Variants in CPNE4 observed in about 807,000 individuals in gnomAD.
The protein encoded by CPNE4 is copine-4.
CPNE4 carries 25 observed loss-of-function variants against 67.9 expected under a neutral mutation model. The observed-to-expected ratio is 0.37, with a 90% confidence interval of 0.27 to 0.51. The LOEUF (loss-of-function observed/expected upper bound fraction) is 0.51. Among genes scored for constraint, CPNE4 ranks in the 20% least tolerant of loss-of-function variants. The probability of loss-of-function intolerance (pLI) is 0.93; values close to 1 mark genes in which losing one functional copy is unlikely to be tolerated. For synonymous variants in CPNE4, 242 were observed against 244.9 expected (o/e 0.99, Z 0.11); for missense variants, 464 against 690.8 (o/e 0.67, Z 3.68).
intron 1 of CPNE4, among the ~76,000 whole-genome samples, chr3:132,020,824 T>C (rs1327988850): frequency 1.3e-5 from 2 of 152,178 alleles, no homozygotes; most frequent in Non-Finnish European, 2.9e-5. Flanking sequence ...AGCTGGAACA[T>C]GCCCAAAATT....
chr3:132,024,583 G>T (rs1266824414), intron 1 of CPNE4, among the ~76,000 whole-genome samples: 1 of 152,042 alleles, frequency 6.6e-6, no homozygotes, highest in African/African-American at 2.4e-5. Flanking sequence ...TATATATCAG[G>T]CTAATCACCC....
rs191686025 is a variant in CPNE4 at position 131,748,408 on chromosome 3, T to A, written c.181-24783A>T. On this transcript the variant is annotated intron_variant, in intron 2 of 15. Coordinates refer to ENST00000429747, the MANE Select transcript of CPNE4 (RefSeq NM_130808.3). ...TCGTGAGGAATACTGGTCTTTTTTT[T>A]AATAATTTTTTTGTCTGGTTTTGAT... 5.1e-3 allele frequency among the ~76,000 whole-genome samples: 783 copies of A among 152,118 alleles called. 11 individuals are homozygous for A. The highest frequency in any genetic ancestry group is 0.034 in the East Asian group (175 of 5,188).
intron 2 of CPNE4, among the ~76,000 whole-genome samples, chr3:131,898,740 A>G (rs574515958): frequency 6.6e-6 from 1 of 152,244 alleles, no homozygotes; most frequent in East Asian, 1.9e-4. Context: ...AACAAGGAGA[A>G]AATATTATCT....
chr3:131,898,337 C>G (rs930610178), intron 2 of CPNE4, among the ~76,000 whole-genome samples: 10 of 152,010 alleles, frequency 6.6e-5, no homozygotes, highest in Non-Finnish European at 1.2e-4. Flanking sequence ...TGCTGGGGAC[C>G]AATGCTCCAC....
At chr3:132,006,136 T>G (rs76085845) in intron 1 of CPNE4, among the ~76,000 whole-genome samples, 286 of 152,224 alleles carry the variant, frequency 1.9e-3, no homozygotes, top group African/African-American at 6.2e-3. Flanking sequence ...ATATTACCAT[T>G]ACTAACACAG....
intron 7 of CPNE4, chr3:131,620,617 G>T: frequency 4.1e-6 from 1 of 242,288 alleles, no homozygotes; most frequent in South Asian, 1.5e-4. Context: ...TTTGAGACAA[G>T]AATAGAAGCC....
chr3:131,664,493 G>T (rs936768877), intron 7 of CPNE4, among the ~76,000 whole-genome samples: 1 of 152,078 alleles, frequency 6.6e-6, no homozygotes, highest in Non-Finnish European at 1.5e-5. Context: ...CTTTCCTTTA[G>T]TGTCTCAGAC....
chr3:131,580,391 TACATATACATA>T (rs1206217494), intron 9 of CPNE4, among the ~76,000 whole-genome samples: 3 of 7,838 alleles, frequency 3.8e-4, no homozygotes, highest in African/African-American at 5.0e-4. Flanking sequence ...TTGGCCTCTA[TACATATACATA>T]TACATATACA....
At chr3:131,866,057 G>A (rs948861418) in intron 2 of CPNE4, among the ~76,000 whole-genome samples, 1 of 152,230 alleles carries the variant, frequency 6.6e-6, no homozygotes, top group Non-Finnish European at 1.5e-5. Context: ...CTGGAGCTGA[G>A]GTAATCCCTG....
intron 11 of CPNE4, 30 bp downstream of exon 11, chr3:131,564,186 T>G (rs1336108833): frequency 1.9e-6 from 3 of 1,611,886 alleles, no homozygotes; most frequent in Admixed American, 3.3e-5. Context: ...TGAGAGATGA[T>G]AAGGCTCCAA....
intron 2 of CPNE4, among the ~76,000 whole-genome samples, chr3:131,814,849 C>A (rs1375890660): frequency 7.3e-6 from 1 of 136,218 alleles, no homozygotes; most frequent in Non-Finnish European, 1.5e-5. Context: ...CGTGATCCGC[C>A]CGCCTCGGCC....
At chr3:131,861,585 C>A (rs762143400) in intron 2 of CPNE4, among the ~76,000 whole-genome samples, 1 of 152,030 alleles carries the variant, frequency 6.6e-6, no homozygotes, top group Non-Finnish European at 1.5e-5. Context: ...CGCCTGCCAC[C>A]ATGCTCGGCT....
chr3:131,546,431 T>A (rs1278471808), intron 14 of CPNE4, among the ~76,000 whole-genome samples: 1 of 152,072 alleles, frequency 6.6e-6, no homozygotes, highest in Non-Finnish European at 1.5e-5. Flanking sequence ...AAGGGGAAAA[T>A]CCTATAGCAA....
rs997811598 is a variant in CPNE4 at position 131,670,678 on chromosome 3, G to A, written c.592-914C>T. Among the ~76,000 whole-genome samples the A allele has an allele frequency of 1.4e-4, 22 of 152,154 alleles. 1 individual carries two copies. The highest frequency in any genetic ancestry group is 1.9e-4 in the East Asian group (1 of 5,190). Reference sequence around the variant, plus strand: ...ACTACCGACAGACACTCTGGAGGTGGGTCTCCTGGGTGATTCTGAGGCACA... The same window carrying A: ...ACTACCGACAGACACTCTGGAGGTGAGTCTCCTGGGTGATTCTGAGGCACA... On this transcript the variant is annotated intron_variant, in intron 6 of 15. Coordinates refer to ENST00000429747, the MANE Select transcript of CPNE4 (RefSeq NM_130808.3).
chr3:131,811,728 A>G (rs1008209253), intron 2 of CPNE4, among the ~76,000 whole-genome samples: 2 of 152,216 alleles, frequency 1.3e-5, no homozygotes, highest in Non-Finnish European at 2.9e-5. Context: ...ATAGTTAATC[A>G]GGATGAAACA....
intron 1 of CPNE4, among the ~76,000 whole-genome samples, chr3:131,930,703 G>A (rs1318615634): frequency 1.3e-5 from 2 of 152,110 alleles, no homozygotes; most frequent in Non-Finnish European, 2.9e-5. Context: ...AGTTGGAACA[G>A]ACTCAGTTGA....
chr3:131,664,136 G>A (rs910291510), intron 7 of CPNE4, among the ~76,000 whole-genome samples: 1 of 152,148 alleles, frequency 6.6e-6, no homozygotes. Context: ...CATAATACAT[G>A]TGATTAAATG....
At chr3:131,895,091 A>C (rs527309215) in intron 2 of CPNE4, among the ~76,000 whole-genome samples, 1 of 152,226 alleles carries the variant, frequency 6.6e-6, no homozygotes, top group South Asian at 2.1e-4. Flanking sequence ...ACTTCATATT[A>C]AGTGAAATAA....
chr3:131,588,834 T>A (rs1938352570), intron 7 of CPNE4, among the ~76,000 whole-genome samples: 1 of 152,180 alleles, frequency 6.6e-6, no homozygotes, highest in Admixed American at 6.5e-5. Flanking sequence ...ACTCCAGCAC[T>A]TCTGTCTATT....
Sources: gnomAD v4.1 joint callset for allele counts (sites outside exome capture counted in the v4.1 genomes callset) on GRCh38, gnomAD v4.1.1 for gene constraint, MANE v1.5 for transcripts, NCBI Gene and HGNC (gene_info 2026-07-23, HGNC 2026-07-21) for gene names.